The following PCDHA7 variants were observed in gnomAD, a reference collection of about 807,000 sequenced individuals.
The protein encoded by PCDHA7 is protocadherin alpha-7.
PCDHA7 carries 37 observed loss-of-function variants against 57.2 expected under a neutral mutation model. The ratio of observed to expected loss-of-function variants is 0.65; its 90% CI spans 0.50 to 0.85. PCDHA7 has a LOEUF of 0.85. Ranked by LOEUF, PCDHA7 falls within the 40% of genes least tolerant of loss-of-function variation. The probability of loss-of-function intolerance (pLI) is 0.00; values close to 1 mark genes in which losing one functional copy is unlikely to be tolerated. For synonymous variants in PCDHA7, 553 were observed against 558.8 expected (o/e 0.99, Z 0.15); for missense variants, 1,188 against 1,241.8 (o/e 0.96, Z 0.65).
intron 1 of PCDHA7, chr5:140,967,365 T>G: frequency 6.2e-7 from 1 of 1,607,630 alleles, no homozygotes; most frequent in Non-Finnish European, 8.5e-7. Flanking sequence ...CTTAAGCCCC[T>G]GCAGGAGAAC....
chr5:141,003,322 G>A (rs1588017257), intron 3 of PCDHA7, among the ~76,000 whole-genome samples: 1 of 152,242 alleles, frequency 6.6e-6, no homozygotes, highest in East Asian at 1.9e-4. Flanking sequence ...ACTTCCAGAG[G>A]GCAGGGTTTT....
chr5:140,869,484 C>G (rs782167038), intron 1 of PCDHA7: 2 of 1,613,948 alleles, frequency 1.2e-6, no homozygotes, highest in Non-Finnish European at 1.7e-6. Context: ...AGGACATTAA[C>G]GACAACCCGC....
chr5:140,870,731 C>G (rs782095287), intron 1 of PCDHA7: 1 of 1,613,444 alleles, frequency 6.2e-7, no homozygotes. Flanking sequence ...GGCGTGCCGC[C>G]TCTGAGCAGC....
intron 1 of PCDHA7, chr5:140,883,741 C>T (rs2153397240): frequency 6.2e-7 from 1 of 1,613,386 alleles, no homozygotes; most frequent in Non-Finnish European, 8.5e-7. Context: ...CGCTGGTCTC[C>T]TACTCGCTGG....
intron 1 of PCDHA7, among the ~76,000 whole-genome samples, chr5:140,873,969 A>T (rs1438036244): frequency 6.6e-6 from 1 of 152,224 alleles, no homozygotes; most frequent in Non-Finnish European, 1.5e-5. Context: ...CCTATTTTTT[A>T]AAATTAAAGT....
rs781793178 is a variant in PCDHA7 at position 140,857,329 on chromosome 5, G to A, written c.2355+20591G>A. ...CCTATGAGCTGGTGGTGACCGCGCGGGACGGGGGCTCGCCTCCGCTGTGGG... is the reference window on the plus strand; with the variant it reads ...CCTATGAGCTGGTGGTGACCGCGCGAGACGGGGGCTCGCCTCCGCTGTGGG... On this transcript the variant is annotated intron_variant, in intron 1 of 3. Coordinates refer to ENST00000525929, the MANE Select transcript of PCDHA7 (RefSeq NM_018910.3). 1.7e-5 allele frequency: 27 copies of A among 1,598,568 alleles called. 1 individual carries two copies. In the South Asian group the frequency reaches 2.9e-4, roughly 17 times the overall value.
chr5:140,876,408 G>T, intron 1 of PCDHA7: 1 of 1,613,942 alleles, frequency 6.2e-7, no homozygotes, highest in Non-Finnish European at 8.5e-7. Flanking sequence ...ATTTTGAAGA[G>T]AATAATGCCT....
rs782801879 is a variant in PCDHA7 at position 140,858,260 on chromosome 5, G to T, written c.2355+21522G>T. The T allele has an allele frequency of 2.0e-5, 32 of 1,597,092 alleles. 2 individuals carry two copies. The highest frequency in any genetic ancestry group is 2.7e-5 in the Non-Finnish European group (32 of 1,166,970). On this transcript the variant is annotated intron_variant, in intron 1 of 3. Coordinates refer to ENST00000525929, the MANE Select transcript of PCDHA7 (RefSeq NM_018910.3). ...ATGTGGGCCGGTGAAGCCCACGCTG[G>T]TGTGCTCTAGCGCGGTGGGGAGCTG...
At chr5:140,940,599 C>T (rs1356432549) in intron 1 of PCDHA7, among the ~76,000 whole-genome samples, 2 of 151,918 alleles carry the variant, frequency 1.3e-5, no homozygotes, top group African/African-American at 4.8e-5. Context: ...AGGCATGAGC[C>T]GCTGCTCCTG....
At chr5:140,903,061 C>T (rs2069972197) in intron 1 of PCDHA7, among the ~76,000 whole-genome samples, 1 of 152,052 alleles carries the variant, frequency 6.6e-6, no homozygotes, top group African/African-American at 2.4e-5. Context: ...GACTTCTTTT[C>T]CTTTGGGTAG....
rs184181496 is a variant in PCDHA7 at position 140,857,350 on chromosome 5, G to A, written c.2355+20612G>A. ...CGCGGGACGGGGGCTCGCCTCCGCTGTGGGCCACGGCCAGCGTGTCTGTGG... is the reference window on the plus strand; with the variant it reads ...CGCGGGACGGGGGCTCGCCTCCGCTATGGGCCACGGCCAGCGTGTCTGTGG... On this transcript the variant is annotated intron_variant, in intron 1 of 3. Coordinates refer to ENST00000525929, the MANE Select transcript of PCDHA7 (RefSeq NM_018910.3). 5 of 1,598,502 alleles carry A rather than the reference G, an allele frequency of 3.1e-6. 1 individual carries two copies. In the Admixed American group the frequency reaches 6.7e-5, roughly 22 times the overall value.
At chr5:140,962,564 G>A (rs1224952009) in intron 1 of PCDHA7, among the ~76,000 whole-genome samples, 2 of 152,124 alleles carry the variant, frequency 1.3e-5, no homozygotes, top group Non-Finnish European at 2.9e-5. Context: ...CCCCCTAAAA[G>A]CCAATTGTTA....
intron 1 of PCDHA7, among the ~76,000 whole-genome samples, chr5:140,918,680 C>T (rs1291001659): frequency 6.6e-6 from 1 of 152,084 alleles, no homozygotes; most frequent in Non-Finnish European, 1.5e-5. Flanking sequence ...GAGGTGAGAC[C>T]TTTCAAACAT....
chr5:140,971,202 C>T (rs1486022070), intron 1 of PCDHA7, among the ~76,000 whole-genome samples: 1 of 152,156 alleles, frequency 6.6e-6, no homozygotes, highest in Non-Finnish European at 1.5e-5. Context: ...AGGAAAGACA[C>T]TGTTACCCTC....
Position 140,856,043 on chromosome 5 carries a change from G to A in PCDHA7, c.2355+19305G>A. On this transcript the variant is annotated intron_variant, in intron 1 of 3. Coordinates refer to ENST00000525929, the MANE Select transcript of PCDHA7 (RefSeq NM_018910.3). The stretch of plus-strand genomic sequence containing the variant: ...TCGTCGATTTGTAAAACAAGAGAAG[G>A]ATAAGATGGTTTCCAGATGTAGCTG... The A allele has an allele frequency of 3.8e-6, 6 of 1,581,380 alleles. 1 individual carries two copies. The highest frequency in any genetic ancestry group is 5.2e-6 in the Non-Finnish European group (6 of 1,157,972).
intron 1 of PCDHA7, among the ~76,000 whole-genome samples, chr5:140,921,566 T>C (rs775027482): frequency 4.6e-5 from 7 of 152,304 alleles, no homozygotes; most frequent in Middle Eastern, 3.4e-3. Flanking sequence ...TATTATGTTA[T>C]AGTAGAGCTC....
chr5:140,992,352 G>C (rs1554252825), intron 3 of PCDHA7, among the ~76,000 whole-genome samples: 1 of 152,162 alleles, frequency 6.6e-6, no homozygotes, highest in African/African-American at 2.4e-5. Context: ...TGTGGAGAGA[G>C]GAGAAAAATG....
intron 1 of PCDHA7, among the ~76,000 whole-genome samples, chr5:140,935,340 C>T (rs781819548): frequency 3.3e-5 from 5 of 152,172 alleles, no homozygotes; most frequent in African/African-American, 7.2e-5. Context: ...TTCTCCCATA[C>T]GTCAAATCCC....
chr5:140,900,768 T>A (rs1554189412), intron 1 of PCDHA7, among the ~76,000 whole-genome samples: 2 of 152,192 alleles, frequency 1.3e-5, no homozygotes, highest in Non-Finnish European at 1.5e-5. Context: ...TATTTTTGGC[T>A]TTTTGAGGAA....
Sources: gnomAD v4.1 joint callset for allele counts (sites outside exome capture counted in the v4.1 genomes callset) on GRCh38, gnomAD v4.1.1 for gene constraint, MANE v1.5 for transcripts, NCBI Gene and HGNC (gene_info 2026-07-23, HGNC 2026-07-21) for gene names.